The following AGO2 variants were observed in gnomAD, a reference collection of about 807,000 sequenced individuals.
AGO2 encodes protein argonaute-2.
In AGO2, 5 loss-of-function variants were observed where a neutral mutation model predicts 102.3. That is an observed-to-expected ratio of 0.05 (90% CI 0.03 to 0.10). The LOEUF is 0.10. Among genes scored for constraint, AGO2 ranks in the 10% least tolerant of loss-of-function variants. The pLI is 1.00. For missense variants in AGO2, 541 were observed against 1,183.7 expected, an observed-to-expected ratio of 0.46 and a Z score of 7.97; for synonymous variants, 449 against 473.1, an observed-to-expected ratio of 0.95 and a Z score of 0.66.
At chr8:140,549,075 C>T (rs761165064) in intron 12 of AGO2, 39 bp downstream of exon 12, 6 of 1,560,474 alleles carry the variant, frequency 3.8e-6, no homozygotes, top group East Asian at 2.3e-5. Flanking sequence ...ACGGAGACCA[C>T]GACGGCTCCC....
chr8:140,588,643 G>A (rs1390206054), intron 1 of AGO2, among the ~76,000 whole-genome samples: 1 of 149,828 alleles, frequency 6.7e-6, no homozygotes, highest in Admixed American at 6.6e-5. Flanking sequence ...AGGGAAGGAA[G>A]GAGGAAAGGA....
At chr8:140,595,787 TACA>T (rs1409009980) in intron 1 of AGO2, among the ~76,000 whole-genome samples, 11 of 45,816 alleles carry the variant, frequency 2.4e-4, no homozygotes, top group Admixed American at 1.5e-3. Flanking sequence ...CAATTGTATA[TACA>T]ATTATATTAT....
intron 3 of AGO2, among the ~76,000 whole-genome samples, chr8:140,563,985 A>C (rs2073242122): frequency 6.6e-6 from 1 of 152,022 alleles, no homozygotes; most frequent in South Asian, 2.1e-4. Context: ...CACCCTTTCC[A>C]CCTGGGCCTG....
chr8:140,548,199 C>T (rs1020584315), intron 12 of AGO2, among the ~76,000 whole-genome samples: 3 of 151,840 alleles, frequency 2.0e-5, no homozygotes, highest in Non-Finnish European at 4.4e-5. Flanking sequence ...GCCTGTAATC[C>T]CAGCTACTCG....
At chr8:140,632,415 G>T (rs766157248) in intron 1 of AGO2, among the ~76,000 whole-genome samples, 8 of 152,236 alleles carry the variant, frequency 5.3e-5, no homozygotes, top group Non-Finnish European at 1.2e-4. Context: ...AGGGGGAGAG[G>T]GGGCAGGAGG....
intron 1 of AGO2, among the ~76,000 whole-genome samples, chr8:140,595,848 ATATT>A (rs2073826572): frequency 9.0e-6 from 1 of 110,552 alleles, no homozygotes; most frequent in African/African-American, 3.6e-5. Flanking sequence ...TGTATATATT[ATATT>A]TATATTATAT....
At chr8:140,642,252 T>C in the AGO2 span, among the ~76,000 whole-genome samples, 24 of 152,168 alleles carry the variant, frequency 1.6e-4, no homozygotes, top group Admixed American at 3.3e-4. Context: ...TTTGTGTTTG[T>C]GTTCCGCCAA....
intron 18 of AGO2, 32 bp from the exon 19 acceptor site, chr8:140,532,184 T>C (rs759545984): frequency 2.5e-6 from 4 of 1,590,526 alleles, no homozygotes; most frequent in Admixed American, 1.7e-5. Flanking sequence ...AGAATGAGAA[T>C]GTGCAGCCTT....
intron 4 of AGO2, 34 bp downstream of exon 4, chr8:140,562,419 G>A (rs368128915): frequency 2.5e-6 from 4 of 1,586,720 alleles, no homozygotes; most frequent in African/African-American, 1.3e-5. Context: ...CTGCAGGGGA[G>A]TCCCCCGCCC....
intron 1 of AGO2, among the ~76,000 whole-genome samples, chr8:140,601,363 C>T (rs1036251416): frequency 5.9e-5 from 9 of 152,226 alleles, no homozygotes; most frequent in South Asian, 2.1e-4. Flanking sequence ...AGCCCCAGCA[C>T]CCCCCCGCCG....
Position 140,562,562 on chromosome 8 carries a change from A to G in AGO2, c.409T>C (p.Cys137Arg). 2 of 1,614,132 alleles carry G rather than the reference A, an allele frequency of 1.2e-6. No homozygotes were observed. Among genetic ancestry groups the G allele is most frequent in the Non-Finnish European group, 1.7e-6 (2 of 1,180,018 alleles). The change falls in exon 4 of 19, where the codon TGC becomes CGC. Residue 137 changes from cysteine to arginine, a missense_variant. Cys to Arg is a radical substitution (Grantham distance 180). Transcript: ENST00000220592. ...TCGTGTAACGCCTGCAAGCTCACGC[A>G]GGACACCCACTTGATGGACACCTTG... ...IFKVSIKWVS[C>R]VSLQALHDAL... is the part of the protein sequence containing the mutation.
At chr8:140,608,074 A>C (rs1269536336) in intron 1 of AGO2, among the ~76,000 whole-genome samples, 1 of 152,204 alleles carries the variant, frequency 6.6e-6, no homozygotes, top group Non-Finnish European at 1.5e-5. Flanking sequence ...AATTCTCAGC[A>C]ACAACAGGTT....
intron 1 of AGO2, among the ~76,000 whole-genome samples, chr8:140,596,761 C>T (rs1284952223): frequency 6.6e-6 from 1 of 152,180 alleles, no homozygotes; most frequent in Non-Finnish European, 1.5e-5. Context: ...GCAGCACGTC[C>T]GGGTCACCTG....
intron 1 of AGO2, among the ~76,000 whole-genome samples, chr8:140,609,223 T>C (rs1008499602): frequency 2.0e-5 from 3 of 152,230 alleles, no homozygotes; most frequent in African/African-American, 4.8e-5. Context: ...CCTCAGCTAT[T>C]TGGCAAAGTT....
At position 140,585,293 on chromosome 8, in the gene AGO2, G is replaced by A. The variant is rs201542441; in HGVS notation, c.41C>T (p.Pro14Leu). The A allele has an allele frequency of 3.8e-5, 61 of 1,613,748 alleles. No homozygotes were observed. Among genetic ancestry groups the A allele is most frequent in the Admixed American group, 6.7e-5 (4 of 59,980 alleles). The change falls in exon 2 of 19, where the codon CCG becomes CTG. Residue 14 changes from proline to leucine, a missense_variant. Physicochemically the swap from Pro to Leu is moderately conservative, Grantham distance 98. Coordinates refer to ENST00000220592, the MANE Select transcript of AGO2 (RefSeq NM_012154.5). ...GGCATATCCTTGGATGGGGGGCGGC[G>A]GCGCAGGAGGTGCAAGTGCTGGAAT... is the stretch of plus-strand genomic sequence containing the variant. ...GAGPALAPPA[P>L]PPPIQGYAFK...
At chr8:140,606,423 T>C (rs78746599) in intron 1 of AGO2, among the ~76,000 whole-genome samples, 5,743 of 152,324 alleles carry the variant, frequency 0.038, 360 homozygotes, top group African/African-American at 0.13. Context: ...ATCAACATCA[T>C]AACAAAACAA....
At chr8:140,641,080 G>A in the AGO2 span, among the ~76,000 whole-genome samples, 1 of 152,134 alleles carries the variant, frequency 6.6e-6, no homozygotes, top group African/African-American at 2.4e-5. Flanking sequence ...CAGGTGTCTT[G>A]AGCACAGTTT....
chr8:140,616,996 G>T (rs369671054), intron 1 of AGO2, among the ~76,000 whole-genome samples: 6 of 144,944 alleles, frequency 4.1e-5, no homozygotes, highest in Middle Eastern at 3.4e-3. Flanking sequence ...GCTTCCTGCA[G>T]CTCTGCTCTC....
upstream of AGO2, among the ~76,000 whole-genome samples, chr8:140,640,586 C>A (rs1401337549): frequency 2.0e-5 from 3 of 152,052 alleles, no homozygotes; most frequent in South Asian, 2.1e-4. Flanking sequence ...GTGGTGCAAT[C>A]CCAGCTCACT....
Sources: gnomAD v4.1 joint callset for allele counts (sites outside exome capture counted in the v4.1 genomes callset) on GRCh38, gnomAD v4.1.1 for gene constraint, MANE v1.5 for transcripts, NCBI Gene and HGNC (gene_info 2026-07-23, HGNC 2026-07-21) for gene names.